MYO16: variants seen among roughly 807,000 people sequenced by gnomAD.
MYO16 encodes unconventional myosin-XVI.
MYO16 carries 94 observed loss-of-function variants against 205.3 expected under a neutral mutation model. That is an observed-to-expected ratio of 0.46 (90% CI 0.39 to 0.54). The LOEUF (loss-of-function observed/expected upper bound fraction) is 0.54. MYO16 is among the 20% of genes least tolerant of loss of function. The probability of loss-of-function intolerance (pLI) is 0.00; values close to 1 mark genes in which losing one functional copy is unlikely to be tolerated. For synonymous variants in MYO16, 988 were observed against 954.0 expected (o/e 1.04, Z -0.66); for missense variants, 2,315 against 2,387.5 (o/e 0.97, Z 0.63).
chr13:108,634,533 G>A (rs1880136514), intron 1 of MYO16, among the ~76,000 whole-genome samples: 1 of 152,098 alleles, frequency 6.6e-6, no homozygotes, highest in South Asian at 2.1e-4. Context: ...CTTGTTTGCA[G>A]GTCATACCTT....
intron 22 of MYO16, among the ~76,000 whole-genome samples, chr13:109,009,983 C>T (rs1885536910): frequency 2.0e-5 from 3 of 152,216 alleles, no homozygotes; most frequent in African/African-American, 7.2e-5. Context: ...AGCACCTTCT[C>T]TCTAGCTTGC....
chr13:109,008,621 A>G lies in MYO16; in HGVS notation c.2443-276A>G, dbSNP rs1410006681. 2.8e-4 allele frequency among the ~76,000 whole-genome samples: 20 copies of G among 71,750 alleles called. 2 individuals carry two copies. Among genetic ancestry groups the G allele is most frequent in the African/African-American group, 9.6e-4 (15 of 15,572 alleles). 47.1% of individuals were successfully genotyped at this position (71,750 alleles called of 152,430 possible). A position where few individuals can be genotyped will look rare whatever the true frequency, so the allele number is the denominator to read the frequency against. On this transcript the variant is annotated intron_variant, in intron 21 of 34. Transcript: ENST00000457511. ...TATCTTGTGTATGCACTACTGTACT[A>G]TCTATCTTGTGTATGCACTACTGTA...
intron 23 of MYO16, among the ~76,000 whole-genome samples, chr13:109,022,843 A>C (rs1461338372): frequency 7.3e-6 from 1 of 136,972 alleles, no homozygotes; most frequent in African/African-American, 2.6e-5. Flanking sequence ...CATAGTATAT[A>C]TTTATATATT....
At chr13:108,780,705 T>C (rs1886273489) in intron 4 of MYO16, among the ~76,000 whole-genome samples, 1 of 152,244 alleles carries the variant, frequency 6.6e-6, no homozygotes, top group African/African-American at 2.4e-5. Context: ...TACGTTTCAA[T>C]AAATCTTTTC....
chr13:108,654,142 G>A (rs1881138314), intron 1 of MYO16, among the ~76,000 whole-genome samples: 1 of 151,984 alleles, frequency 6.6e-6, no homozygotes, highest in African/African-American at 2.4e-5. Flanking sequence ...GGCTGACAGG[G>A]CAATTGTCTA....
intron 12 of MYO16, among the ~76,000 whole-genome samples, chr13:108,882,824 A>C (rs1288812211): frequency 6.6e-6 from 1 of 152,220 alleles, no homozygotes; most frequent in Non-Finnish European, 1.5e-5. Flanking sequence ...AGAATAATTA[A>C]AGCCTGTGGA....
intron 9 of MYO16, among the ~76,000 whole-genome samples, chr13:108,837,960 T>G (rs1466033345): frequency 6.6e-6 from 1 of 152,180 alleles, no homozygotes; most frequent in African/African-American, 2.4e-5. Context: ...ATTTGGTATA[T>G]GCAAACCCTG....
At chr13:108,933,738 C>T (rs1882361146) in intron 16 of MYO16, among the ~76,000 whole-genome samples, 1 of 152,046 alleles carries the variant, frequency 6.6e-6, no homozygotes, top group African/African-American at 2.4e-5. Flanking sequence ...ATTTTTTCAG[C>T]TCTTTCCCCT....
intron 16 of MYO16, among the ~76,000 whole-genome samples, chr13:108,953,537 C>G (rs908654395): frequency 6.6e-6 from 1 of 150,580 alleles, no homozygotes; most frequent in Non-Finnish European, 1.5e-5. Context: ...CTCTGTTTTA[C>G]CGATAATAAA....
chr13:108,872,721 T>A (rs7991996), intron 12 of MYO16, among the ~76,000 whole-genome samples: 50,211 of 151,382 alleles, frequency 0.33, 8,763 homozygotes, highest in Non-Finnish European at 0.36. Flanking sequence ...CATATGTATA[T>A]ATACACACAC....
At chr13:109,177,989 AT>A (rs1175944755) in intron 33 of MYO16, among the ~76,000 whole-genome samples, 1 of 152,052 alleles carries the variant, frequency 6.6e-6, no homozygotes, top group African/African-American at 2.4e-5. Context: ...CCCATCCTTT[AT>A]TCCCCTCTAA....
intron 20 of MYO16, among the ~76,000 whole-genome samples, chr13:108,972,860 TTG>T (rs1884107012): frequency 6.6e-6 from 1 of 152,046 alleles, no homozygotes. Flanking sequence ...TTTTCTTTTT[TTG>T]TTTTTTGGTT....
At chr13:108,731,612 T>C (rs1884524645) in intron 4 of MYO16, among the ~76,000 whole-genome samples, 1 of 152,230 alleles carries the variant, frequency 6.6e-6, no homozygotes, top group South Asian at 2.1e-4. Flanking sequence ...AATATTTTCA[T>C]GGCTCAGCAA....
chr13:108,935,311 A>G (rs1056986041), intron 16 of MYO16, among the ~76,000 whole-genome samples: 4 of 152,128 alleles, frequency 2.6e-5, no homozygotes, highest in Non-Finnish European at 4.4e-5. Flanking sequence ...AGTGTTTTGT[A>G]GTTACCCTTG....
At chr13:109,138,743 T>A (rs1166672544) in intron 31 of MYO16, among the ~76,000 whole-genome samples, 3 of 152,086 alleles carry the variant, frequency 2.0e-5, no homozygotes, top group African/African-American at 7.2e-5. Flanking sequence ...AAGTCCTTTT[T>A]TAAAGTCTCT....
At chr13:108,964,999 T>C in intron 20 of MYO16, 97 bp downstream of exon 20, 3 of 1,202,182 alleles carry the variant, frequency 2.5e-6, no homozygotes, top group Non-Finnish European at 3.5e-6. Context: ...GGGTAACCAA[T>C]AAGTTAAACT....
At chr13:108,999,531 A>C (rs185678757) in intron 21 of MYO16, among the ~76,000 whole-genome samples, 19 of 152,320 alleles carry the variant, frequency 1.2e-4, no homozygotes, top group Admixed American at 3.9e-4. Flanking sequence ...TACCTCTTAC[A>C]ATCATATTGG....
At chr13:108,704,160 C>T (rs750793836) in intron 2 of MYO16, among the ~76,000 whole-genome samples, 2 of 152,082 alleles carry the variant, frequency 1.3e-5, no homozygotes, top group African/African-American at 2.4e-5. Flanking sequence ...ACTAGCCATC[C>T]GAGGTATCTT....
intron 1 of MYO16, among the ~76,000 whole-genome samples, chr13:108,649,061 C>T (rs998679062): frequency 7.0e-6 from 1 of 141,950 alleles, no homozygotes; most frequent in Non-Finnish European, 1.5e-5. Context: ...ACATCACACA[C>T]CAGGGCCTGT....
Sources: allele counts gnomAD v4.1 joint callset (sites outside exome capture counted in the v4.1 genomes callset), GRCh38; gene constraint gnomAD v4.1.1; transcripts MANE v1.5; gene names NCBI Gene and HGNC (gene_info 2026-07-23, HGNC 2026-07-21).